CPNE4: variants seen among roughly 807,000 people sequenced by gnomAD.
CPNE4 encodes copine-4.
Under a neutral mutation model 67.9 loss-of-function variants are expected in CPNE4, and 25 were observed. That is an observed-to-expected ratio of 0.37 (90% confidence interval 0.27 to 0.51). The LOEUF (loss-of-function observed/expected upper bound fraction) is 0.51. CPNE4 is among the 20% of genes least tolerant of loss of function. CPNE4 has a pLI of 0.93. For synonymous variants in CPNE4, 242 were observed against 244.9 expected (o/e 0.99, Z 0.11); for missense variants, 464 against 690.8 (o/e 0.67, Z 3.68).
chr3:131,903,600 G>A (rs1214871969), intron 2 of CPNE4, among the ~76,000 whole-genome samples: 4 of 152,028 alleles, frequency 2.6e-5, no homozygotes, highest in Admixed American at 2.6e-4. Flanking sequence ...TCCAATGTAT[G>A]GGTTTAAATA....
intron 2 of CPNE4, among the ~76,000 whole-genome samples, chr3:131,743,962 C>CAAAAAAAAAAAAAAAAAAAA (rs67791015): frequency 8.4e-5 from 5 of 59,206 alleles, no homozygotes; most frequent in African/African-American, 3.7e-4. Context: ...GACTCCGTCT[C>CAAAAAAAAAAAAAAAAAAAA]AAAAAAAAAA....
At position 132,016,162 on chromosome 3, in the gene CPNE4, G is replaced by A. The variant is rs536281297; in HGVS notation, c.-2+18405C>T. ...AAATAAAGCAAAAATTCACTAGCAC[G>A]CCACGTATTACACCCTGGATTGAAC... On this transcript the variant is annotated intron_variant, in intron 1 of 15. Coordinates refer to ENST00000429747, the MANE Select transcript of CPNE4 (RefSeq NM_130808.3). Among the ~76,000 whole-genome samples the A allele has an allele frequency of 1.3e-3, 195 of 152,172 alleles. 1 individual carries two copies. The highest frequency in any genetic ancestry group is 4.2e-3 in the African/African-American group (173 of 41,502).
chr3:131,963,338 T>A (rs1014122169), intron 1 of CPNE4, among the ~76,000 whole-genome samples: 1 of 151,660 alleles, frequency 6.6e-6, no homozygotes, highest in Non-Finnish European at 1.5e-5. Flanking sequence ...CTGAGCTAGC[T>A]GCAGTTTTTT....
In CPNE4 at chr3:131,946,755, G is replaced by GT. The variant is rs1210381345; in HGVS notation, c.-1-41312dup. ...TGATAAATCCTAATTTGTTTACTTT[G>GT]TTTAGTTCATCATGCTTTTGGTGTC... On this transcript the variant is annotated intron_variant, in intron 1 of 15. Coordinates refer to ENST00000429747, the MANE Select transcript of CPNE4 (RefSeq NM_130808.3). Among the ~76,000 whole-genome samples, 3 of 151,962 alleles carry GT rather than the reference G, an allele frequency of 2.0e-5. No individual in the cohort carries two copies. In the East Asian group the frequency reaches 5.8e-4, roughly 29 times the overall value.
intron 6 of CPNE4, among the ~76,000 whole-genome samples, chr3:131,684,870 T>C (rs2080849809): frequency 6.6e-6 from 1 of 152,120 alleles, no homozygotes; most frequent in South Asian, 2.1e-4. Flanking sequence ...GTGTGTGTGG[T>C]AGTGGGTAGT....
intron 1 of CPNE4, among the ~76,000 whole-genome samples, chr3:132,030,696 T>A (rs1368533152): frequency 1.1e-4 from 16 of 152,208 alleles, no homozygotes; most frequent in Admixed American, 9.8e-4. Context: ...CAGGATGTGC[T>A]GATTTAGGAG....
At position 131,752,986 on chromosome 3, in the gene CPNE4, C is replaced by A. The variant is rs191893385; in HGVS notation, c.181-29361G>T. ...GCCGGTGAGGAGAAATTTCTTTTTC[C>A]AGATATTAGAAAATAATAAAATATA... On this transcript the variant is annotated intron_variant, in intron 2 of 15. Coordinates refer to ENST00000429747, the MANE Select transcript of CPNE4 (RefSeq NM_130808.3). Among the ~76,000 whole-genome samples, 180 of 151,432 alleles carry A rather than the reference C, an allele frequency of 1.2e-3. 4 individuals are homozygous for A. Among genetic ancestry groups the A allele is most frequent in the Non-Finnish European group, 2.2e-4 (15 of 67,834 alleles).
chr3:131,967,310 CACAAG>C (rs2072378138), intron 1 of CPNE4, among the ~76,000 whole-genome samples: 1 of 152,180 alleles, frequency 6.6e-6, no homozygotes. Flanking sequence ...TGAAAACTGG[CACAAG>C]ACAAGGATGC....
chr3:131,765,066 G>A (rs570811947), intron 2 of CPNE4, among the ~76,000 whole-genome samples: 4 of 152,200 alleles, frequency 2.6e-5, no homozygotes, highest in African/African-American at 9.6e-5. Flanking sequence ...AGGAGACTTG[G>A]TTCAAGCTTC....
intron 1 of CPNE4, among the ~76,000 whole-genome samples, chr3:131,966,279 T>C (rs900262201): frequency 4.6e-5 from 7 of 152,096 alleles, no homozygotes; most frequent in Non-Finnish European, 8.8e-5. Flanking sequence ...AGGAGAGATC[T>C]AAAGTCAACA....
At chr3:131,540,449 C>A (rs1645289380) in intron 15 of CPNE4, among the ~76,000 whole-genome samples, 1 of 152,150 alleles carries the variant, frequency 6.6e-6, no homozygotes, top group Admixed American at 6.5e-5. Flanking sequence ...GAAAGTGGCA[C>A]AACAAACAGC....
intron 1 of CPNE4, among the ~76,000 whole-genome samples, chr3:132,004,001 G>C (rs1183663579): frequency 6.6e-6 from 1 of 151,956 alleles, no homozygotes; most frequent in Non-Finnish European, 1.5e-5. Flanking sequence ...TGATTAAATT[G>C]GATTTCATGA....
rs767016073 is a variant in CPNE4 at position 131,587,474 on chromosome 3, G to T, written c.780+10C>A. ...ACTGGAGGCAAAACCAAAAGTGGTT[G>T]ACCATGTACCTGTTTCCCTTCCATT... On this transcript the variant is annotated intron_variant, in intron 8 of 15. Coordinates refer to ENST00000429747, the MANE Select transcript of CPNE4 (RefSeq NM_130808.3). 8 of 1,607,450 alleles carry T rather than the reference G, an allele frequency of 5.0e-6. No individual in the cohort carries two copies. The highest frequency in any genetic ancestry group is 1.7e-5 in the Admixed American group (1 of 59,904).
intron 2 of CPNE4, among the ~76,000 whole-genome samples, chr3:131,800,764 G>A (rs994955472): frequency 3.3e-5 from 5 of 152,256 alleles, no homozygotes; most frequent in Admixed American, 2.0e-4. Flanking sequence ...CAAGTGACAC[G>A]ATTAGATATA....
At chr3:131,543,587 T>G (rs1420425264) in intron 14 of CPNE4, among the ~76,000 whole-genome samples, 1 of 152,234 alleles carries the variant, frequency 6.6e-6, no homozygotes, top group Non-Finnish European at 1.5e-5. Flanking sequence ...CATTAATAAT[T>G]TTTTTATATG....
intron 7 of CPNE4, among the ~76,000 whole-genome samples, chr3:131,669,162 C>G (rs1468002887): frequency 6.6e-6 from 1 of 152,106 alleles, no homozygotes; most frequent in Non-Finnish European, 1.5e-5. Context: ...AGACCACAGC[C>G]AGCCAACCTC....
chr3:131,700,021 C>T lies in CPNE4; in HGVS notation c.361-41G>A, dbSNP rs763552481. 4 of 1,017,854 alleles carry T rather than the reference C, an allele frequency of 3.9e-6. No individual in the cohort carries two copies. The African/African-American group carries it at 5.2e-5, about 13-fold the overall frequency. 63.1% of individuals were successfully genotyped at this position (1,017,854 alleles called of 1,614,324 possible). On this transcript the variant is annotated intron_variant, in intron 3 of 15. Coordinates refer to ENST00000429747, the MANE Select transcript of CPNE4 (RefSeq NM_130808.3). ...CAAAAGGTAACAAAAGGTAGAGATA[C>T]TAGTCATTTAACTGTAGATCTATTT... is the stretch of plus-strand genomic sequence containing the variant.
intron 1 of CPNE4, among the ~76,000 whole-genome samples, chr3:131,987,099 T>C (rs1263126566): frequency 6.6e-6 from 1 of 152,026 alleles, no homozygotes; most frequent in Non-Finnish European, 1.5e-5. Flanking sequence ...AATGTGCACA[T>C]ATTCAAATGT....
At chr3:131,563,947 A>G (rs1286129798) in intron 11 of CPNE4, among the ~76,000 whole-genome samples, 2 of 152,086 alleles carry the variant, frequency 1.3e-5, no homozygotes, top group Non-Finnish European at 2.9e-5. Flanking sequence ...AGCAAGGCAC[A>G]GGCTAAGACT....
Sources: allele counts gnomAD v4.1 joint callset (sites outside exome capture counted in the v4.1 genomes callset), GRCh38; gene constraint gnomAD v4.1.1; transcripts MANE v1.5; gene names NCBI Gene and HGNC (gene_info 2026-07-23, HGNC 2026-07-21).